Variants in AGBL1 observed in about 807,000 individuals in gnomAD.
AGBL1 encodes the protein cytosolic carboxypeptidase 4.
AGBL1 carries 130 observed loss-of-function variants against 118.9 expected under a neutral mutation model. The ratio of observed to expected loss-of-function variants is 1.09; its 90% CI spans 0.95 to 1.26. The LOEUF is 1.26. Ranked by LOEUF, AGBL1 falls within the 50% of genes most tolerant of loss-of-function variation. AGBL1 has a pLI of 0.00. For synonymous variants in AGBL1, 555 were observed against 478.9 expected (o/e 1.16, Z -2.08); for missense variants, 1,584 against 1,298.1 (o/e 1.22, Z -3.38).
chr15:86,094,788 T>G (rs1896248671), intron 1 of AGBL1, among the ~76,000 whole-genome samples: 1 of 152,202 alleles, frequency 6.6e-6, no homozygotes, highest in Non-Finnish European at 1.5e-5. Flanking sequence ...ATGTGTGAGG[T>G]GGTTCCCACA....
intron 18 of AGBL1, among the ~76,000 whole-genome samples, chr15:86,463,260 C>G (rs2082356179): frequency 6.7e-6 from 1 of 150,342 alleles, no homozygotes; most frequent in African/African-American, 2.4e-5. Context: ...CTGTTCATAT[C>G]CTTTGCCCAC....
Position 86,599,860 on chromosome 15 carries a change from AC to A in AGBL1, c.2994+45325del, listed in dbSNP as rs200292163. Among the ~76,000 whole-genome samples the A allele has an allele frequency of 5.4e-4, 82 of 152,102 alleles. No homozygotes were observed. In the East Asian group the frequency reaches 0.015, roughly 28 times the overall value. On this transcript the variant is annotated intron_variant, in intron 21 of 22. Coordinates refer to ENST00000614907, the MANE Select transcript of AGBL1 (RefSeq NM_001386094.1). Reference sequence around the variant, plus strand: ...AACAAATTGGGTGACAATATCCTACACCTTTTTTACATATCATAATTAGGGC... The same window carrying A: ...AACAAATTGGGTGACAATATCCTACACTTTTTTACATATCATAATTAGGGC...
At chr15:86,364,958 CATATATATATATATAT>C (rs72116454) in intron 17 of AGBL1, among the ~76,000 whole-genome samples, 2 of 76,138 alleles carry the variant, frequency 2.6e-5, no homozygotes, top group African/African-American at 7.7e-5. Context: ...ATATGTCACA[CATATATATATATATAT>C]ATATATATAT....
intron 22 of AGBL1, among the ~76,000 whole-genome samples, chr15:86,755,749 C>G (rs1473742627): frequency 1.3e-5 from 2 of 152,066 alleles, no homozygotes; most frequent in Admixed American, 6.6e-5. Flanking sequence ...CATTTTAGTT[C>G]TTCCCAGCTA....
chr15:86,778,646 T>C (rs2078291498), intron 22 of AGBL1, among the ~76,000 whole-genome samples: 1 of 152,206 alleles, frequency 6.6e-6, no homozygotes, highest in Admixed American at 6.5e-5. Context: ...GTTATCTCTC[T>C]TGCTCCCTGA....
Position 86,155,890 on chromosome 15 carries a change from A to G in AGBL1, c.394+1329A>G, listed in dbSNP as rs146436258. Among the ~76,000 whole-genome samples, 170 of 152,228 alleles carry G rather than the reference A, an allele frequency of 1.1e-3. 1 individual carries two copies. The highest frequency in any genetic ancestry group is 8.6e-3 in the Admixed American group (131 of 15,278). On this transcript the variant is annotated intron_variant, in intron 4 of 22. Transcript: ENST00000614907. ...TATCACAGTCTATGTGGCTTAAACA[A>G]AAGAAATGTATTTTCTCACTTTATT...
chr15:86,985,328 T>A (rs769637167), intron 23 of AGBL1, among the ~76,000 whole-genome samples: 3 of 152,212 alleles, frequency 2.0e-5, no homozygotes, highest in Non-Finnish European at 4.4e-5. Context: ...GATTTCCTCA[T>A]AGTTGTATCA....
intron 24 of AGBL1, among the ~76,000 whole-genome samples, chr15:87,016,630 T>A (rs1377920543): frequency 6.6e-6 from 1 of 152,156 alleles, no homozygotes; most frequent in African/African-American, 2.4e-5. Context: ...CACCTTCAAC[T>A]GAAATATCCA....
At chr15:86,706,047 G>T (rs1302092782) in intron 22 of AGBL1, among the ~76,000 whole-genome samples, 1 of 152,012 alleles carries the variant, frequency 6.6e-6, no homozygotes, top group Non-Finnish European at 1.5e-5. Flanking sequence ...ATAAGGTAAG[G>T]TTTAATTTCA....
intron 21 of AGBL1, among the ~76,000 whole-genome samples, chr15:86,645,891 T>G (rs2085270294): frequency 3.3e-5 from 5 of 152,190 alleles, no homozygotes; most frequent in Admixed American, 3.3e-4. Context: ...GACAACAAAG[T>G]TCAAAATCAA....
intron 24 of AGBL1, among the ~76,000 whole-genome samples, chr15:86,993,995 C>T (rs1338824128): frequency 2.0e-5 from 3 of 152,068 alleles, no homozygotes; most frequent in Non-Finnish European, 2.9e-5. Flanking sequence ...CCCAAAGTGA[C>T]GTTTTCATTC....
chr15:86,874,526 C>A lies in AGBL1; in HGVS notation c.3159-32561C>A, dbSNP rs967872747. ...TCTAGTTTGAGCAAAGGCCCTGGTTCTTATTGAAGGAGTACCAGAGTGGGT... is the reference window on the plus strand; with the variant it reads ...TCTAGTTTGAGCAAAGGCCCTGGTTATTATTGAAGGAGTACCAGAGTGGGT... On this transcript the variant is annotated intron_variant, in intron 22 of 22. Coordinates refer to ENST00000614907, the MANE Select transcript of AGBL1 (RefSeq NM_001386094.1). Among the ~76,000 whole-genome samples the A allele has an allele frequency of 2.0e-5, 3 of 152,076 alleles. No individual in the cohort carries two copies. The East Asian group carries it at 5.8e-4, about 29-fold the overall frequency.
intron 5 of AGBL1, among the ~76,000 whole-genome samples, chr15:86,200,089 G>A (rs563517138): frequency 3.9e-5 from 6 of 152,284 alleles, no homozygotes; most frequent in South Asian, 2.1e-4. Flanking sequence ...TGTTATACAC[G>A]TGTCTCAGTT....
chr15:86,454,504 A>G (rs1400816465), intron 18 of AGBL1, among the ~76,000 whole-genome samples: 1 of 152,194 alleles, frequency 6.6e-6, no homozygotes, highest in African/African-American at 2.4e-5. Flanking sequence ...CCAAATATTT[A>G]TCAACAGATG....
chr15:86,470,031 C>G (rs1482940892), intron 18 of AGBL1, among the ~76,000 whole-genome samples: 1 of 152,176 alleles, frequency 6.6e-6, no homozygotes, highest in Non-Finnish European at 1.5e-5. Flanking sequence ...GTTGTTCTTT[C>G]ATTCTGTCAG....
At chr15:86,732,155 G>A (rs1465411096) in intron 22 of AGBL1, among the ~76,000 whole-genome samples, 1 of 152,254 alleles carries the variant, frequency 6.6e-6, no homozygotes, top group African/African-American at 2.4e-5. Context: ...CATTTTGAAT[G>A]CAGGCAGTAG....
At chr15:86,644,935 T>G (rs1026758960) in intron 21 of AGBL1, among the ~76,000 whole-genome samples, 1 of 151,256 alleles carries the variant, frequency 6.6e-6, no homozygotes, top group East Asian at 1.9e-4. Context: ...GCAGGAGAAT[T>G]GCTTAAACCG....
rs373542135 is a variant in AGBL1 at position 86,163,543 on chromosome 15, C to T, written c.488+4517C>T. 7.9e-5 allele frequency among the ~76,000 whole-genome samples: 12 copies of T among 152,118 alleles called. No homozygotes were observed. The South Asian group carries it at 8.3e-4, about 11-fold the overall frequency. ...AGGAGTTTGAGACCAGCCTGGCCAA[C>T]GTGATGAAACCCTATCTCTACTAAA... On this transcript the variant is annotated intron_variant, in intron 5 of 22. Transcript: ENST00000614907.
intron 11 of AGBL1, 40 bp downstream of exon 11, chr15:86,264,878 C>G: frequency 1.4e-6 from 2 of 1,480,958 alleles, no homozygotes; most frequent in South Asian, 1.3e-5. Context: ...TTTTTCTGTT[C>G]TTTGATAATT....
Sources: allele counts gnomAD v4.1 joint callset (sites outside exome capture counted in the v4.1 genomes callset), GRCh38; gene constraint gnomAD v4.1.1; transcripts MANE v1.5; gene names NCBI Gene and HGNC (gene_info 2026-07-23, HGNC 2026-07-21).